Variants in TRAPPC3L observed in about 807,000 individuals in gnomAD.
TRAPPC3L encodes trafficking protein particle complex subunit 3-like protein.
A neutral mutation model predicts 23.7 loss-of-function variants in TRAPPC3L; 23 were observed. That is an observed-to-expected ratio of 0.97 (90% confidence interval 0.70 to 1.37). The LOEUF (loss-of-function observed/expected upper bound fraction) is 1.37. TRAPPC3L is among the 40% of genes most tolerant of loss of function. The pLI is 0.00. For missense variants in TRAPPC3L, 212 were observed against 216.8 expected, an observed-to-expected ratio of 0.98 and a Z score of 0.14; for synonymous variants, 81 against 77.9, an observed-to-expected ratio of 1.04 and a Z score of -0.21.
At position 116,496,817 on chromosome 6, in the gene TRAPPC3L, C is replaced by T. The variant is rs1238850476; in HGVS notation, c.*137G>A. 4 of 1,234,502 alleles carry T rather than the reference C, an allele frequency of 3.2e-6. No homozygotes were observed. The highest frequency in any genetic ancestry group is 3.0e-5 in the East Asian group (1 of 33,114). 76.5% of individuals were successfully genotyped at this position (1,234,502 alleles called of 1,614,324 possible). ...AAAAAAAACCTTTAAGCCTTCATGC[C>T]CTGCATTTCAAATTTCTGGCTGATT... On this transcript the variant is annotated 3_prime_UTR_variant, in exon 5 of 5. Coordinates refer to ENST00000368602, the MANE Select transcript of TRAPPC3L (RefSeq NM_001139444.3).
At chr6:116,502,728 C>G (rs1049597870) in intron 3 of TRAPPC3L, among the ~76,000 whole-genome samples, 1 of 152,172 alleles carries the variant, frequency 6.6e-6, no homozygotes, top group Admixed American at 6.5e-5. Flanking sequence ...ATTCAACATT[C>G]CTAAAGAAAA....
intron 4 of TRAPPC3L, among the ~76,000 whole-genome samples, chr6:116,497,313 C>A (rs12527763): frequency 0.074 from 11,278 of 152,092 alleles, 490 homozygotes; most frequent in Admixed American, 0.13. Context: ...ACTGGGACAC[C>A]CAGCCTCTGC....
intron 3 of TRAPPC3L, chr6:116,515,924 C>T: frequency 6.2e-7 from 1 of 1,613,668 alleles, no homozygotes; most frequent in Non-Finnish European, 8.5e-7. Context: ...GGACAATGGT[C>T]TGCAACTTAG....
Position 116,500,567 on chromosome 6 carries a change from C to T in TRAPPC3L, c.340G>A (p.Glu114Lys). The T allele has an allele frequency of 7.7e-6, 12 of 1,551,668 alleles. No homozygotes were observed. The highest frequency in any genetic ancestry group is 1.0e-5 in the Non-Finnish European group (12 of 1,146,984). The stretch of plus-strand genomic sequence containing the variant: ...CCAGCAGGGAGCTCTTCCACAAACT[C>T]CACCAGGGGATTCTTCTCTAGAATC... ...SLILEKNPLV[E>K]FVEELPAGRS... The change falls in exon 4 of 5, where the codon GAG becomes AAG. Residue 114 changes from glutamate to lysine, a missense_variant. Transcript: ENST00000368602.
At chr6:116,532,338 C>T (rs1302859689) in intron 3 of TRAPPC3L, among the ~76,000 whole-genome samples, 2 of 152,176 alleles carry the variant, frequency 1.3e-5, no homozygotes, top group Non-Finnish European at 2.9e-5. Context: ...TGGGCTCAAG[C>T]TATCCTTCCG....
chr6:116,530,013 C>A (rs1772599628), intron 3 of TRAPPC3L, among the ~76,000 whole-genome samples: 1 of 152,118 alleles, frequency 6.6e-6, no homozygotes, highest in South Asian at 2.1e-4. Context: ...TTATGCACAG[C>A]ATTATGATGG....
chr6:116,544,083 G>C (rs978168846), intron 1 of TRAPPC3L, among the ~76,000 whole-genome samples: 1 of 150,072 alleles, frequency 6.7e-6, no homozygotes, highest in Non-Finnish European at 1.5e-5. Flanking sequence ...CAACATATAA[G>C]AGCCACAGCA....
intron 3 of TRAPPC3L, among the ~76,000 whole-genome samples, chr6:116,530,260 T>C (rs72959198): frequency 0.023 from 3,463 of 152,252 alleles, 69 homozygotes; most frequent in Middle Eastern, 0.092. Flanking sequence ...GCCTAAGATA[T>C]GTTACTGTCT....
chr6:116,515,473 T>A (rs1772203579), intron 3 of TRAPPC3L: 4 of 1,020,876 alleles, frequency 3.9e-6, no homozygotes, highest in African/African-American at 3.2e-5. Context: ...AAAATTAAGA[T>A]GAATGATTTC....
chr6:116,543,765 T>G, intron 1 of TRAPPC3L: 1 of 1,449,426 alleles, frequency 6.9e-7, no homozygotes, highest in African/African-American at 1.4e-5. Context: ...ATGTTTTCAG[T>G]TGGAAGCAAG....
intron 3 of TRAPPC3L, among the ~76,000 whole-genome samples, chr6:116,513,522 A>G (rs1393958686): frequency 6.6e-6 from 1 of 152,186 alleles, no homozygotes; most frequent in African/African-American, 2.4e-5. Context: ...CTCTAAACAC[A>G]GGTACAAGGA....
At chr6:116,514,923 GT>G (rs1583270683) in intron 3 of TRAPPC3L, among the ~76,000 whole-genome samples, 1 of 152,188 alleles carries the variant, frequency 6.6e-6, no homozygotes, top group Non-Finnish European at 1.5e-5. Context: ...AGCCAAAAAA[GT>G]TAGAAGATAA....
intron 3 of TRAPPC3L, among the ~76,000 whole-genome samples, chr6:116,507,508 T>C (rs1186064444): frequency 6.6e-6 from 1 of 151,198 alleles, no homozygotes; most frequent in African/African-American, 2.4e-5. Context: ...TACTCCATAC[T>C]GCCCAGAACG....
At chr6:116,498,016 CAGAGG>C in intron 4 of TRAPPC3L, among the ~76,000 whole-genome samples, 1 of 152,322 alleles carries the variant, frequency 6.6e-6, no homozygotes. Flanking sequence ...TACCATTTAA[CAGAGG>C]ATGTAGATTG....
At chr6:116,503,237 A>G (rs1771948105) in intron 3 of TRAPPC3L, among the ~76,000 whole-genome samples, 2 of 152,240 alleles carry the variant, frequency 1.3e-5, no homozygotes, top group South Asian at 2.1e-4. Flanking sequence ...GATCTCTGAT[A>G]AAACAGACTT....
intron 3 of TRAPPC3L, chr6:116,511,766 G>C: frequency 6.2e-7 from 1 of 1,613,988 alleles, no homozygotes; most frequent in Non-Finnish European, 8.5e-7. Flanking sequence ...CAGCTTCATG[G>C]CTCTGCTGAC....
rs903555740 is a variant in TRAPPC3L at position 116,496,812 on chromosome 6, C to T, written c.*142G>A. 7 of 1,202,262 alleles carry T rather than the reference C, an allele frequency of 5.8e-6. No homozygotes were observed. The highest frequency in any genetic ancestry group is 7.7e-6 in the Non-Finnish European group (7 of 907,582). The allele number at this position is 1,202,262 out of a possible 1,614,324, so 74.5% of individuals were successfully genotyped here. ...AAGGAAAAAAAAACCTTTAAGCCTTCATGCCCTGCATTTCAAATTTCTGGC... is the reference window on the plus strand; with the variant it reads ...AAGGAAAAAAAAACCTTTAAGCCTTTATGCCCTGCATTTCAAATTTCTGGC... On this transcript the variant is annotated 3_prime_UTR_variant, in exon 5 of 5. Coordinates refer to ENST00000368602, the MANE Select transcript of TRAPPC3L (RefSeq NM_001139444.3).
chr6:116,516,213 G>A, intron 3 of TRAPPC3L: 1 of 448,962 alleles, frequency 2.2e-6, no homozygotes, highest in Admixed American at 4.1e-5. Flanking sequence ...TGGTGGAGAG[G>A]GGCTCAGTAG....
intron 3 of TRAPPC3L, among the ~76,000 whole-genome samples, chr6:116,509,229 T>C (rs984823054): frequency 6.6e-6 from 1 of 152,138 alleles, no homozygotes; most frequent in Non-Finnish European, 1.5e-5. Context: ...GCCATGCTCC[T>C]GGATTGGAAG....
Sources: gnomAD v4.1 joint callset for allele counts (sites outside exome capture counted in the v4.1 genomes callset) on GRCh38, gnomAD v4.1.1 for gene constraint, MANE v1.5 for transcripts, NCBI Gene and HGNC (gene_info 2026-07-23, HGNC 2026-07-21) for gene names.